Variants in DLG2 observed in about 807,000 individuals in gnomAD.
DLG2 encodes the protein discs large MAGUK scaffold protein 2, also known as disks large homolog 2.
In DLG2, 45 loss-of-function variants were observed where a neutral mutation model predicts 132.5. That is an observed-to-expected ratio of 0.34 (90% confidence interval 0.27 to 0.44). The LOEUF is 0.44. Among genes scored for constraint, DLG2 ranks in the 20% least tolerant of loss-of-function variants. The probability of loss-of-function intolerance (pLI) is 1.00; values close to 1 mark genes in which losing one functional copy is unlikely to be tolerated. For missense variants in DLG2, 1,045 were observed against 1,196.9 expected, an observed-to-expected ratio of 0.87 and a Z score of 1.87; for synonymous variants, 424 against 419.6, an observed-to-expected ratio of 1.01 and a Z score of -0.13.
intron 3 of DLG2, among the ~76,000 whole-genome samples, chr11:85,342,949 CTTTT>C (rs11314838): frequency 7.2e-5 from 11 of 152,060 alleles, no homozygotes; most frequent in African/African-American, 2.7e-4. Context: ...ATCTAATGCA[CTTTT>C]TTTATCTACT....
At chr11:85,466,925 A>T (rs2092811056) in intron 3 of DLG2, among the ~76,000 whole-genome samples, 2 of 152,116 alleles carry the variant, frequency 1.3e-5, no homozygotes. Flanking sequence ...CATGATATTG[A>T]TTCTTCCTAC....
chr11:83,635,463 C>A (rs1252204590), intron 18 of DLG2, among the ~76,000 whole-genome samples: 1 of 152,060 alleles, frequency 6.6e-6, no homozygotes, highest in East Asian at 1.9e-4. Flanking sequence ...TAGAAAAACA[C>A]AGGATAAAAA....
chr11:85,096,015 T>C (rs1473597371), intron 6 of DLG2, among the ~76,000 whole-genome samples: 8 of 152,088 alleles, frequency 5.3e-5, no homozygotes, highest in Admixed American at 5.2e-4. Context: ...CTCTGTAAAA[T>C]AGCACCAATC....
At chr11:84,751,061 G>A (rs1048172287) in intron 6 of DLG2, among the ~76,000 whole-genome samples, 1 of 152,070 alleles carries the variant, frequency 6.6e-6, no homozygotes, top group Non-Finnish European at 1.5e-5. Context: ...TAGATATTTA[G>A]GAAAAAGAAG....
chr11:83,551,173 A>G (rs750586685), intron 19 of DLG2, among the ~76,000 whole-genome samples: 2 of 152,282 alleles, frequency 1.3e-5, no homozygotes, highest in South Asian at 4.2e-4. Flanking sequence ...CAGGGTCCTT[A>G]TAAGAATTAC....
Position 84,861,619 on chromosome 11 carries a change from AAAAAAAAAAAAAAAAAAAAAC to A in DLG2, c.357+250021_357+250041del, listed in dbSNP as rs1179043014. Among the ~76,000 whole-genome samples the A allele has an allele frequency of 1.6e-4, 5 of 31,734 alleles. 1 individual carries two copies. Among genetic ancestry groups the A allele is most frequent in the African/African-American group, 6.1e-4 (4 of 6,570 alleles). 20.8% of individuals were successfully genotyped at this position (31,734 alleles called of 152,430 possible). On this transcript the variant is annotated intron_variant, in intron 6 of 27. Coordinates refer to ENST00000376104, the MANE Select transcript of DLG2 (RefSeq NM_001142699.3). ...TTAAACTAAAGAGCTTCTACACAGC[AAAAAAAAAAAAAAAAAAAAAC>A]AAAAAAAAAAACCTATCAGAGGGAA...
At chr11:85,449,328 T>A (rs1049657261) in intron 3 of DLG2, among the ~76,000 whole-genome samples, 3 of 152,086 alleles carry the variant, frequency 2.0e-5, no homozygotes, top group Non-Finnish European at 4.4e-5. Context: ...AATGTCCATG[T>A]CTTTTAACCA....
chr11:83,867,543 AATG>A (rs2062627110), intron 16 of DLG2, among the ~76,000 whole-genome samples: 2 of 152,106 alleles, frequency 1.3e-5, no homozygotes, highest in African/African-American at 2.4e-5. Context: ...ATGGAACAAT[AATG>A]ATGATAGTGG....
At chr11:85,411,899 G>T (rs1036559139) in intron 3 of DLG2, among the ~76,000 whole-genome samples, 4 of 151,818 alleles carry the variant, frequency 2.6e-5, no homozygotes, top group African/African-American at 9.7e-5. Flanking sequence ...ACCTCTGACT[G>T]CAGTGTCTTT....
At chr11:85,623,418 C>T (rs959911466) in intron 2 of DLG2, among the ~76,000 whole-genome samples, 2 of 152,046 alleles carry the variant, frequency 1.3e-5, no homozygotes, top group South Asian at 2.1e-4. Flanking sequence ...AATTCTCCTG[C>T]GTCAGCCTCC....
intron 6 of DLG2, among the ~76,000 whole-genome samples, chr11:84,999,586 G>A (rs541579632): frequency 6.6e-5 from 10 of 152,160 alleles, no homozygotes; most frequent in Admixed American, 3.3e-4. Context: ...AAATATTTCC[G>A]TTAATAAGGT....
chr11:84,182,143 A>AGAATCC (rs1468289058), intron 8 of DLG2, among the ~76,000 whole-genome samples: 4 of 152,288 alleles, frequency 2.6e-5, no homozygotes, highest in Non-Finnish European at 5.9e-5. Flanking sequence ...AACAAATCTT[A>AGAATCC]ACAAGTTCAA....
intron 9 of DLG2, among the ~76,000 whole-genome samples, chr11:84,147,749 T>A (rs1368824847): frequency 6.6e-6 from 1 of 152,130 alleles, no homozygotes; most frequent in Non-Finnish European, 1.5e-5. Flanking sequence ...TAGTCACATA[T>A]GTGCACACAT....
intron 3 of DLG2, among the ~76,000 whole-genome samples, chr11:85,394,715 C>T (rs2087130273): frequency 6.6e-6 from 1 of 152,160 alleles, no homozygotes; most frequent in African/African-American, 2.4e-5. Context: ...CCTATTCTCA[C>T]AATCTAGGGT....
intron 15 of DLG2, among the ~76,000 whole-genome samples, chr11:83,906,665 G>A (rs933310122): frequency 1.3e-5 from 2 of 152,006 alleles, no homozygotes; most frequent in African/African-American, 4.8e-5. Context: ...GATAACCTTC[G>A]AGGTAAACAT....
chr11:85,082,084 G>C (rs2067304052), intron 6 of DLG2, among the ~76,000 whole-genome samples: 1 of 151,862 alleles, frequency 6.6e-6, no homozygotes, highest in Admixed American at 6.6e-5. Context: ...TGTATCTTAG[G>C]TCTTTATTCT....
intron 6 of DLG2, among the ~76,000 whole-genome samples, chr11:84,735,432 T>A (rs576697848): frequency 6.9e-4 from 105 of 152,290 alleles, no homozygotes; most frequent in Non-Finnish European, 7.4e-5. Context: ...CGTAGAGGTG[T>A]TTATAGTATT....
At chr11:84,777,396 G>A (rs1683498925) in intron 6 of DLG2, among the ~76,000 whole-genome samples, 1 of 147,874 alleles carries the variant, frequency 6.8e-6, no homozygotes, top group African/African-American at 2.5e-5. Context: ...TGTGAATAGT[G>A]CTGTGATAAA....
At chr11:84,712,015 A>C (rs896436200) in intron 6 of DLG2, among the ~76,000 whole-genome samples, 3 of 152,104 alleles carry the variant, frequency 2.0e-5, no homozygotes, top group African/African-American at 7.2e-5. Context: ...AGAATTTACA[A>C]TTGAATATTA....
Sources: gnomAD v4.1 joint callset for allele counts (sites outside exome capture counted in the v4.1 genomes callset) on GRCh38, gnomAD v4.1.1 for gene constraint, MANE v1.5 for transcripts, NCBI Gene and HGNC (gene_info 2026-07-23, HGNC 2026-07-21) for gene names.